Variants in ABL2 observed in about 807,000 individuals in gnomAD.
ABL2 encodes ABL proto-oncogene 2, non-receptor tyrosine kinase, also known as tyrosine-protein kinase ABL2.
Under a neutral mutation model 107.7 loss-of-function variants are expected in ABL2, and 49 were observed. That is an observed-to-expected ratio of 0.45 (90% confidence interval 0.36 to 0.58). The LOEUF is 0.58. Among genes scored for constraint, ABL2 ranks in the 20% least tolerant of loss-of-function variants. The pLI is 0.00. For missense variants in ABL2, 1,245 were observed against 1,457.0 expected, an observed-to-expected ratio of 0.85 and a Z score of 2.37; for synonymous variants, 549 against 548.6, an observed-to-expected ratio of 1.00 and a Z score of -0.01.
At chr1:179,227,095 T>C (rs980780210) in intron 1 of ABL2, among the ~76,000 whole-genome samples, 1 of 152,188 alleles carries the variant, frequency 6.6e-6, no homozygotes, top group Middle Eastern at 3.2e-3. Context: ...GGTAAATGGA[T>C]ATAAACTTCT....
intron 1 of ABL2, among the ~76,000 whole-genome samples, chr1:179,222,290 C>T (rs892383376): frequency 7.2e-5 from 11 of 152,130 alleles, no homozygotes; most frequent in Admixed American, 7.2e-4. Flanking sequence ...AGTGCAGTGG[C>T]GTGATCTCAG....
intron 1 of ABL2, among the ~76,000 whole-genome samples, chr1:179,141,724 T>C (rs898049637): frequency 6.6e-6 from 1 of 152,210 alleles, no homozygotes; most frequent in Non-Finnish European, 1.5e-5. Context: ...TCCTCTTTTG[T>C]TCTCAAAGAA....
intron 2 of ABL2, 142 bp from the exon 3 acceptor site, chr1:179,131,623 G>C (rs901307688): frequency 1.4e-6 from 1 of 718,142 alleles, no homozygotes; most frequent in Non-Finnish European, 2.2e-6. Flanking sequence ...TGAAGAATTA[G>C]CAAATAGGCA....
chr1:179,138,907 G>T (rs984183805), intron 1 of ABL2, among the ~76,000 whole-genome samples: 1 of 152,208 alleles, frequency 6.6e-6, no homozygotes, highest in Non-Finnish European at 1.5e-5. Flanking sequence ...CCGGGTGGGC[G>T]TGGGCTTGGC....
At chr1:179,167,878 G>A (rs1284906498) in intron 1 of ABL2, among the ~76,000 whole-genome samples, 1 of 152,150 alleles carries the variant, frequency 6.6e-6, no homozygotes, top group Non-Finnish European at 1.5e-5. Flanking sequence ...CTACTCAGGA[G>A]ACTGAGGCAG....
intron 9 of ABL2, among the ~76,000 whole-genome samples, chr1:179,114,333 A>C (rs1299856736): frequency 6.6e-6 from 1 of 151,860 alleles, no homozygotes; most frequent in African/African-American, 2.4e-5. Flanking sequence ...ACTTGAACCC[A>C]TGAGGTAGAG....
intron 1 of ABL2, among the ~76,000 whole-genome samples, chr1:179,203,492 T>G (rs571594867): frequency 1.3e-5 from 2 of 152,178 alleles, no homozygotes; most frequent in Non-Finnish European, 2.9e-5. Context: ...TTTTCAAGTA[T>G]TATTATCCCA....
chr1:179,209,398 T>C (rs781362608), intron 1 of ABL2, among the ~76,000 whole-genome samples: 1 of 152,208 alleles, frequency 6.6e-6, no homozygotes, highest in Non-Finnish European at 1.5e-5. Context: ...ATTACATAAG[T>C]TTCCCTGTTG....
rs577813038 is a variant in ABL2, at chr1:179,140,998, C to T, written c.158-7624G>A. Among the ~76,000 whole-genome samples the T allele has an allele frequency of 5.5e-4, 84 of 151,970 alleles. 1 individual carries two copies. The highest frequency in any genetic ancestry group is 3.4e-3 in the Middle Eastern group (1 of 294). On this transcript the variant is annotated intron_variant, in intron 1 of 11. Transcript: ENST00000502732. ...GGGTGTGGTGGCGGGTGCCTGTAATCCCAACTACTCGGGAGGCTGAGGCAG... is the reference window on the plus strand; with the variant it reads ...GGGTGTGGTGGCGGGTGCCTGTAATTCCAACTACTCGGGAGGCTGAGGCAG...
chr1:179,151,192 T>C (rs976161350), intron 1 of ABL2, among the ~76,000 whole-genome samples: 3 of 152,162 alleles, frequency 2.0e-5, no homozygotes, highest in African/African-American at 7.2e-5. Flanking sequence ...GGTATGACTA[T>C]AGTTAAAGAG....
intron 1 of ABL2, among the ~76,000 whole-genome samples, chr1:179,144,185 C>A (rs896689243): frequency 6.6e-6 from 1 of 151,882 alleles, no homozygotes; most frequent in Non-Finnish European, 1.5e-5. Context: ...AGGCCAGGGG[C>A]GGTGGCTCAC....
At position 179,126,444 on chromosome 1, in the gene ABL2, A is replaced by C. The variant is rs1655726869; in HGVS notation, c.620T>G (p.Leu207Arg). ...VRESESSPGQ[L>R]SISLRYEGRV... ...TCCCTCGTACCTGAGCGAGATGGACAGCTGCCCAGGGCTACTCTCACTTTC... is the reference window on the plus strand; with the variant it reads ...TCCCTCGTACCTGAGCGAGATGGACCGCTGCCCAGGGCTACTCTCACTTTC... The change falls in exon 4 of 12, where the codon CTG becomes CGG. Residue 207 changes from leucine (L) to arginine (R), a missense_variant. Around this residue, in one of 3 missense-constraint regions of ABL2, gnomAD observed 320 missense variants for 547.0 expected, o/e 0.59. Transcript: ENST00000502732. The surrounding 1 kb of genome is among the most constrained non-coding windows in gnomAD (Gnocchi z 4.4). 6.2e-7 allele frequency: 1 copy of C among 1,614,108 alleles called. No homozygotes were observed. The highest frequency in any genetic ancestry group is 1.3e-5 in the African/African-American group (1 of 74,934).
intron 1 of ABL2, among the ~76,000 whole-genome samples, chr1:179,167,206 C>G (rs1399244072): frequency 6.6e-6 from 1 of 152,060 alleles, no homozygotes; most frequent in Non-Finnish European, 1.5e-5. Context: ...ACCACATATA[C>G]ACAAGGGAAA....
At chr1:179,170,421 G>A (rs2816193) in intron 1 of ABL2, among the ~76,000 whole-genome samples, 75,793 of 151,336 alleles carry the variant, frequency 0.5, 19,078 homozygotes, top group Admixed American at 0.55. Context: ...ATTAAAGAAT[G>A]CTTTTTTTTT....
intron 1 of ABL2, among the ~76,000 whole-genome samples, chr1:179,165,669 C>T (rs1659333328): frequency 6.6e-6 from 1 of 151,984 alleles, no homozygotes; most frequent in Non-Finnish European, 1.5e-5. Context: ...CATACTTTTA[C>T]TTTTCTGGAT....
chr1:179,207,990 C>T (rs1241030875), intron 1 of ABL2, among the ~76,000 whole-genome samples: 2 of 151,798 alleles, frequency 1.3e-5, no homozygotes, highest in Non-Finnish European at 2.9e-5. Flanking sequence ...TAAGTATTTT[C>T]CTGGTAATAG....
intron 1 of ABL2, among the ~76,000 whole-genome samples, chr1:179,177,720 TC>T (rs1660129913): frequency 6.6e-6 from 1 of 152,230 alleles, no homozygotes; most frequent in Admixed American, 6.5e-5. Flanking sequence ...ACAGTCCTTT[TC>T]TGCAAAGTTA....
In ABL2 at chr1:179,115,072, G is replaced by A. The variant is rs765511509; in HGVS notation, c.1409-42C>T. 1.0e-5 allele frequency: 16 copies of A among 1,529,796 alleles called. No individual in the cohort carries two copies. In the Admixed American group the frequency reaches 1.1e-4, roughly 10 times the overall value. 94.8% of individuals were successfully genotyped at this position (1,529,796 alleles called of 1,614,324 possible). ...AAAAAGCACTTAGTGTTTCTTCTCC[G>A]ATTATTTATTTTACATAATTAGGTG... is the stretch of plus-strand genomic sequence containing the variant. On this transcript the variant is annotated intron_variant, in intron 8 of 11. Coordinates refer to ENST00000502732, the MANE Select transcript of ABL2 (RefSeq NM_007314.4).
chr1:179,114,901 T>G lies in ABL2; in HGVS notation c.1538A>C (p.Lys513Thr). The stretch of plus-strand genomic sequence containing the variant: ...ACATGCTCTCATAAGTTCATAAACC[T>G]TAGGGGGGCATCCCTCAGGCTGTTC... ...RMEQPEGCPP[K>T]VYELMRACWK... Residue 513 changes from lysine to threonine, a missense_variant, in exon 9 of 12, where the codon AAG (lysine) becomes ACG (threonine). Transcript: ENST00000502732. 1 of 1,609,788 alleles carries G rather than the reference T, an allele frequency of 6.2e-7. No homozygotes were observed. The highest frequency in any genetic ancestry group is 8.5e-7 in the Non-Finnish European group (1 of 1,178,498).
Sources: gnomAD v4.1 joint callset for allele counts (sites outside exome capture counted in the v4.1 genomes callset) on GRCh38, gnomAD v4.1.1 for gene constraint, gnomAD v4.1.1 regional missense constraint, Gnocchi (gnomAD v3.1) non-coding constraint, MANE v1.5 for transcripts, NCBI Gene and HGNC (gene_info 2026-07-23, HGNC 2026-07-21) for gene names.